KLHL14: variants seen among roughly 807,000 people sequenced by gnomAD.
KLHL14 encodes the protein kelch-like protein 14.
KLHL14 carries 22 observed loss-of-function variants against 64.3 expected under a neutral mutation model. The observed-to-expected ratio is 0.34, with a 90% CI of 0.24 to 0.49. KLHL14 has a LOEUF of 0.49. Among genes scored for constraint, KLHL14 ranks in the 20% least tolerant of loss-of-function variants. KLHL14 has a pLI of 0.99. For synonymous variants in KLHL14, 322 were observed against 333.4 expected, an observed-to-expected ratio of 0.97 and a Z score of 0.37; for missense variants, 661 against 789.0, an observed-to-expected ratio of 0.84 and a Z score of 1.94.
rs201298642 is a variant in KLHL14, at chr18:32,680,464, T to C, written c.1374A>G (p.Pro458=). 1.2e-6 allele frequency: 2 copies of C among 1,613,928 alleles called. No individual in the cohort carries two copies. The highest frequency in any genetic ancestry group is 1.3e-5 in the African/African-American group (1 of 74,936). ...CTCCCGCATGAGCCGCCAGAGGCTG[T>C]GGCAAAGAGGACACATAGCGCCATT... ...TNEWRYVSSL[P]QPLAAHAGAV... is the part of the protein sequence containing the mutation. The change falls in exon 6 of 9, where the codon CCA becomes CCG. Residue 458 remains proline, a synonymous_variant. Coordinates refer to ENST00000359358, the MANE Select transcript of KLHL14 (RefSeq NM_020805.3). The surrounding 1 kb of genome is among the most constrained non-coding windows in gnomAD (Gnocchi z 4.8).
At chr18:32,747,365 T>C (rs143883551) in intron 2 of KLHL14, among the ~76,000 whole-genome samples, 170 of 152,342 alleles carry the variant, frequency 1.1e-3, no homozygotes, top group Non-Finnish European at 2.1e-3. Context: ...ATTATACAAC[T>C]CATCATAATG....
intron 3 of KLHL14, among the ~76,000 whole-genome samples, chr18:32,717,665 T>C (rs925077444): frequency 2.0e-5 from 3 of 152,222 alleles, no homozygotes; most frequent in Non-Finnish European, 4.4e-5. Flanking sequence ...TCTGAATTGG[T>C]ATTTCTACTC....
intron 2 of KLHL14, among the ~76,000 whole-genome samples, chr18:32,757,375 G>C (rs532685243): frequency 6.6e-6 from 1 of 152,256 alleles, no homozygotes; most frequent in Admixed American, 6.5e-5. Context: ...TAGCTTTTCC[G>C]TGTCGGAATC....
At chr18:32,718,560 A>T (rs966666372) in intron 3 of KLHL14, among the ~76,000 whole-genome samples, 6 of 152,206 alleles carry the variant, frequency 3.9e-5, no homozygotes, top group Non-Finnish European at 7.3e-5. Flanking sequence ...GATACTAAAC[A>T]TCAATGGGCA....
intron 3 of KLHL14, among the ~76,000 whole-genome samples, chr18:32,716,860 C>T (rs1568072779): frequency 6.6e-6 from 1 of 151,808 alleles, no homozygotes; most frequent in Non-Finnish European, 1.5e-5. Flanking sequence ...TAGATATAAG[C>T]CTTTTACATT....
chr18:32,707,639 C>G (rs2049996997), intron 3 of KLHL14, among the ~76,000 whole-genome samples: 1 of 152,188 alleles, frequency 6.6e-6, no homozygotes, highest in African/African-American at 2.4e-5. Context: ...CCCAATAAAA[C>G]CCCTGGGCTG....
At chr18:32,738,195 AT>A (rs1174437104) in intron 3 of KLHL14, 1 of 152,178 alleles carries the variant, frequency 6.6e-6, no homozygotes, top group Non-Finnish European at 1.5e-5. Context: ...GGGTCTCCAC[AT>A]GTGGACTTCA....
At chr18:32,690,646 T>C (rs944994415) in intron 4 of KLHL14, among the ~76,000 whole-genome samples, 2 of 152,126 alleles carry the variant, frequency 1.3e-5, no homozygotes, top group Non-Finnish European at 1.5e-5. Flanking sequence ...GGAGAATCAC[T>C]TGAACCCAGA....
chr18:32,719,652 C>G (rs1306682489), intron 3 of KLHL14, among the ~76,000 whole-genome samples: 3 of 152,208 alleles, frequency 2.0e-5, no homozygotes, highest in African/African-American at 7.2e-5. Flanking sequence ...TCAATAATTA[C>G]TACATGTGCT....
chr18:32,730,721 A>G (rs1012409042), intron 3 of KLHL14, among the ~76,000 whole-genome samples: 1 of 152,248 alleles, frequency 6.6e-6, no homozygotes, highest in Admixed American at 6.5e-5. Flanking sequence ...TTGCCTTAGC[A>G]GTAGGGTTTT....
rs151094122 is a variant in KLHL14, at chr18:32,723,464, G to A, written c.1069+18464C>T. Among the ~76,000 whole-genome samples the A allele has an allele frequency of 2.6e-5, 4 of 152,234 alleles. No homozygotes were observed. In the East Asian group the frequency reaches 7.7e-4, roughly 29 times the overall value. On this transcript the variant is annotated intron_variant, in intron 3 of 8. Transcript: ENST00000359358. Reference sequence around the variant, plus strand: ...AGGGAGGTAGGAGAGGAAGGTCAGGGTATTTACTCTTCACTTTCTTTTTCT... The same window carrying A: ...AGGGAGGTAGGAGAGGAAGGTCAGGATATTTACTCTTCACTTTCTTTTTCT...
intron 2 of KLHL14, chr18:32,745,160 T>C (rs2050218199): frequency 6.6e-6 from 1 of 152,232 alleles, no homozygotes; most frequent in Admixed American, 6.5e-5. Flanking sequence ...CTTCCAAATC[T>C]TTTGCATTGT....
At chr18:32,750,296 T>G (rs527811394) in intron 2 of KLHL14, among the ~76,000 whole-genome samples, 1 of 152,252 alleles carries the variant, frequency 6.6e-6, no homozygotes, top group South Asian at 2.1e-4. Context: ...CTTTACCAGA[T>G]CTGTTATGCC....
intron 2 of KLHL14, among the ~76,000 whole-genome samples, chr18:32,756,256 A>G (rs1046090982): frequency 6.6e-6 from 1 of 152,226 alleles, no homozygotes; most frequent in African/African-American, 2.4e-5. Context: ...GGCATACAGC[A>G]GGAAGGCAGC....
intron 3 of KLHL14, among the ~76,000 whole-genome samples, chr18:32,714,886 C>CT (rs144797469): frequency 0.24 from 35,850 of 148,308 alleles, 4,410 homozygotes; most frequent in Middle Eastern, 0.31. Context: ...CTCTGGTGGT[C>CT]CTTTTTTTTT....
rs527373481 is a variant in KLHL14 at position 32,743,068 on chromosome 18, T to C, written c.948-1019A>G. The C allele has an allele frequency of 1.1e-4, 17 of 152,358 alleles. No homozygotes were observed. In the East Asian group the frequency reaches 1.9e-3, roughly 17 times the overall value. 9.4% of individuals were successfully genotyped at this position (152,358 alleles called of 1,614,324 possible). On this transcript the variant is annotated intron_variant, in intron 2 of 8. Coordinates refer to ENST00000359358, the MANE Select transcript of KLHL14 (RefSeq NM_020805.3). ...AGTAATGGATTGAGCACACTTGCGA[T>C]TGAAGCAGGGAGAGGAGGCCCAGAC...
At chr18:32,688,871 A>G (rs78156274) in intron 4 of KLHL14, among the ~76,000 whole-genome samples, 301 of 152,300 alleles carry the variant, frequency 2.0e-3, no homozygotes, top group Non-Finnish European at 3.1e-3. Flanking sequence ...GGCCACTACA[A>G]TCATCAAGGT....
chr18:32,768,352 T>C (rs531519570), intron 2 of KLHL14, among the ~76,000 whole-genome samples: 64 of 151,862 alleles, frequency 4.2e-4, no homozygotes, highest in Admixed American at 1.3e-3. Context: ...CTTCCATTTC[T>C]TTAAACTTTA....
rs757635741 is a variant in KLHL14 at position 32,769,921 on chromosome 18, A to AT, written c.670_671insA (p.Leu224HisfsTer36). Reference sequence around the variant, plus strand: ...CACGGGGGGCGGCAGCGAGTCCAGCAGGGCGCGCATCTCCTCGAAGTTGAG... The same window carrying AT: ...CACGGGGGGCGGCAGCGAGTCCAGCATGGGCGCGCATCTCCTCGAAGTTGAG... On this transcript the variant is annotated frameshift_variant, in exon 2 of 9. Coordinates refer to ENST00000359358, the MANE Select transcript of KLHL14 (RefSeq NM_020805.3). LOFTEE classifies it high-confidence loss of function. The AT allele has an allele frequency of 6.2e-7, 1 of 1,614,136 alleles. No homozygotes were observed. Among genetic ancestry groups the AT allele is most frequent in the African/African-American group, 1.3e-5 (1 of 75,054 alleles).
Sources: allele counts gnomAD v4.1 joint callset (sites outside exome capture counted in the v4.1 genomes callset), GRCh38; gene constraint gnomAD v4.1.1; non-coding constraint Gnocchi (gnomAD v3.1); transcripts MANE v1.5; gene names NCBI Gene and HGNC (gene_info 2026-07-23, HGNC 2026-07-21).